PPP1R21: variants seen among roughly 807,000 people sequenced by gnomAD.
PPP1R21 encodes the protein protein phosphatase 1 regulatory subunit 21.
In PPP1R21, 85 loss-of-function variants were observed where a neutral mutation model predicts 112.8. That is an observed-to-expected ratio of 0.75 (90% confidence interval 0.63 to 0.90). The LOEUF is 0.90. Ranked by LOEUF, PPP1R21 falls within the 40% of genes least tolerant of loss-of-function variation. PPP1R21 has a pLI of 0.00. For missense variants in PPP1R21, 1,199 were observed against 901.5 expected, an observed-to-expected ratio of 1.33 and a Z score of -4.23; for synonymous variants, 381 against 322.3, an observed-to-expected ratio of 1.18 and a Z score of -1.95.
intron 9 of PPP1R21, among the ~76,000 whole-genome samples, chr2:48,469,887 AAG>A (rs1003635358): frequency 2.0e-5 from 3 of 152,078 alleles, no homozygotes; most frequent in Non-Finnish European, 4.4e-5. Context: ...TAACATCATA[AAG>A]TAGACCTTTA....
intron 17 of PPP1R21, among the ~76,000 whole-genome samples, chr2:48,499,124 A>C: frequency 7.5e-6 from 1 of 132,714 alleles, no homozygotes; most frequent in East Asian, 2.6e-4. Context: ...AACGTAGGAT[A>C]TTGGGGGTGG....
intron 7 of PPP1R21, among the ~76,000 whole-genome samples, chr2:48,461,563 A>G (rs1667981308): frequency 6.6e-6 from 1 of 152,106 alleles, no homozygotes; most frequent in Non-Finnish European, 1.5e-5. Flanking sequence ...GGGGTGGGGG[A>G]AATGAGGCTT....
rs1347047020 is a variant in PPP1R21 at position 48,474,829 on chromosome 2, T to G, written c.1225+10T>G. 6.2e-7 allele frequency: 1 copy of G among 1,610,554 alleles called. No homozygotes were observed. The highest frequency in any genetic ancestry group is 1.1e-5 in the South Asian group (1 of 90,296). On this transcript the variant is annotated intron_variant, in intron 12 of 21. Transcript: ENST00000294952. ...CTTCTTGCCTTGCCAAGTAAGTATG[T>G]TTGTTGCTTAGGGGTCAACTTCAAG... is the stretch of plus-strand genomic sequence containing the variant.
At chr2:48,507,589 G>A (rs1037519641) in intron 19 of PPP1R21, among the ~76,000 whole-genome samples, 5 of 151,828 alleles carry the variant, frequency 3.3e-5, no homozygotes, top group African/African-American at 1.2e-4. Context: ...GAATGGTATC[G>A]ATCTTCTGAT....
intron 13 of PPP1R21, 39 bp from the exon 14 acceptor site, chr2:48,486,592 T>C: frequency 6.7e-7 from 1 of 1,491,940 alleles, no homozygotes; most frequent in South Asian, 1.1e-5. Flanking sequence ...GTGACTTATA[T>C]ATAGATAATA....
At chr2:48,505,468 C>T (rs1670331406) in intron 17 of PPP1R21, 96 bp from the exon 18 acceptor site, 1 of 899,880 alleles carries the variant, frequency 1.1e-6, no homozygotes, top group Non-Finnish European at 1.8e-6. Context: ...CCTCAATGCT[C>T]TGTGAACGGA....
At chr2:48,514,289 T>G (rs977650544) in intron 21 of PPP1R21, among the ~76,000 whole-genome samples, 8 of 152,074 alleles carry the variant, frequency 5.3e-5, no homozygotes, top group African/African-American at 1.9e-4. Flanking sequence ...GGTTTCACCA[T>G]GTTAGCTGGG....
intron 7 of PPP1R21, 124 bp downstream of exon 7, chr2:48,461,356 C>T: frequency 7.6e-7 from 1 of 1,311,432 alleles, no homozygotes; most frequent in Non-Finnish European, 9.8e-7. Flanking sequence ...AGATTGCTTT[C>T]TCTTTGTTCA....
chr2:48,503,905 A>T (rs1319519243), intron 17 of PPP1R21, among the ~76,000 whole-genome samples: 1 of 149,960 alleles, frequency 6.7e-6, no homozygotes, highest in Non-Finnish European at 1.5e-5. Context: ...GTGAGTCAGG[A>T]TCGCACCATT....
chr2:48,509,322 C>T (rs1188496017), intron 19 of PPP1R21, among the ~76,000 whole-genome samples: 1 of 151,406 alleles, frequency 6.6e-6, no homozygotes, highest in East Asian at 1.9e-4. Flanking sequence ...ATCCATAGTG[C>T]GTGGTCAGAA....
intron 11 of PPP1R21, 80 bp downstream of exon 11, chr2:48,471,447 T>C (rs1184118765): frequency 1.7e-5 from 22 of 1,329,226 alleles, no homozygotes; most frequent in Admixed American, 2.5e-5. Context: ...AATATTAACA[T>C]GTGCCTCTTG....
chr2:48,508,790 T>A (rs1670503871), intron 19 of PPP1R21, among the ~76,000 whole-genome samples: 1 of 152,242 alleles, frequency 6.6e-6, no homozygotes. Context: ...GCCCTAAAAT[T>A]TTGTGAGAAA....
intron 18 of PPP1R21, among the ~76,000 whole-genome samples, chr2:48,505,893 A>G (rs1039746957): frequency 6.6e-6 from 1 of 152,094 alleles, no homozygotes; most frequent in African/African-American, 2.4e-5. Flanking sequence ...TTGCTGGCAT[A>G]CTACATGAGG....
At chr2:48,502,514 G>T (rs1034506718) in intron 17 of PPP1R21, among the ~76,000 whole-genome samples, 2 of 152,078 alleles carry the variant, frequency 1.3e-5, no homozygotes, top group African/African-American at 2.4e-5. Flanking sequence ...GTGTATGTGT[G>T]TGTGTCTTTG....
intron 19 of PPP1R21, among the ~76,000 whole-genome samples, chr2:48,508,854 A>G (rs79332708): frequency 0.02 from 3,060 of 152,296 alleles, 85 homozygotes; most frequent in African/African-American, 0.067. Context: ...CAAGACATTT[A>G]GTTATTTTAG....
Position 48,469,347 on chromosome 2 carries a change from T to G in PPP1R21, c.898-1740T>G, listed in dbSNP as rs187405827. Among the ~76,000 whole-genome samples the G allele has an allele frequency of 1.6e-3, 10 of 6,344 alleles. 1 individual carries two copies. Among genetic ancestry groups the G allele is most frequent in the East Asian group, 0.016 (1 of 62 alleles). 4.2% of individuals were successfully genotyped at this position (6,344 alleles called of 152,430 possible). ...TATATATATAGAGCATATATATATA[T>G]AGCATATATATATAGAGCATATATA... is the stretch of plus-strand genomic sequence containing the variant. On this transcript the variant is annotated intron_variant, in intron 9 of 21. Coordinates refer to ENST00000294952, the MANE Select transcript of PPP1R21 (RefSeq NM_001135629.3).
At chr2:48,483,431 C>G (rs528764582) in intron 13 of PPP1R21, among the ~76,000 whole-genome samples, 63 of 152,172 alleles carry the variant, frequency 4.1e-4, no homozygotes, top group Admixed American at 1.1e-3. Flanking sequence ...GATCCGCCTG[C>G]CTCGGCCTCT....
intron 17 of PPP1R21, among the ~76,000 whole-genome samples, chr2:48,500,814 C>T (rs543889248): frequency 1.3e-5 from 2 of 152,178 alleles, no homozygotes; most frequent in African/African-American, 4.8e-5. Context: ...GAGGCTGAGA[C>T]AGGAGAATTG....
chr2:48,482,678 A>G (rs1000361609), intron 13 of PPP1R21, among the ~76,000 whole-genome samples: 2 of 125,318 alleles, frequency 1.6e-5, no homozygotes. Context: ...TGTCTACTTT[A>G]TTCTAAAGTG....
Sources: allele counts gnomAD v4.1 joint callset (sites outside exome capture counted in the v4.1 genomes callset), GRCh38; gene constraint gnomAD v4.1.1; transcripts MANE v1.5; gene names NCBI Gene and HGNC (gene_info 2026-07-23, HGNC 2026-07-21).